Variants in ARSG observed in about 807,000 individuals in gnomAD.
ARSG encodes ASG.
A neutral mutation model predicts 50.5 loss-of-function variants in ARSG; 37 were observed. That is an observed-to-expected ratio of 0.73 (90% CI 0.56 to 0.96). ARSG has a LOEUF of 0.96. ARSG is among the 50% of genes least tolerant of loss of function. ARSG has a pLI of 0.00. For missense variants in ARSG, 629 were observed against 675.3 expected, an observed-to-expected ratio of 0.93 and a Z score of 0.76; for synonymous variants, 225 against 254.6, an observed-to-expected ratio of 0.88 and a Z score of 1.11.
chr17:68,265,008 G>T (rs781980785), intron 1 of ARSG, among the ~76,000 whole-genome samples: 1 of 151,228 alleles, frequency 6.6e-6, no homozygotes, highest in Admixed American at 6.6e-5. Flanking sequence ...ACAAAAATTA[G>T]CTGGGCGTGG....
chr17:68,352,387 C>A (rs2078840357), intron 5 of ARSG, among the ~76,000 whole-genome samples: 1 of 151,244 alleles, frequency 6.6e-6, no homozygotes, highest in South Asian at 2.1e-4. Context: ...ACGGTAAGAT[C>A]CTAATGAGCT....
intron 1 of ARSG, among the ~76,000 whole-genome samples, chr17:68,295,671 ATTTTTTTT>A (rs56840354): frequency 4.2e-4 from 48 of 114,542 alleles, no homozygotes; most frequent in South Asian, 3.6e-3. Context: ...TCTAAGACAA[ATTTTTTTT>A]TTTTTTTTTT....
At chr17:68,424,100 T>C (rs891488322), downstream of ARSG, among the ~76,000 whole-genome samples, 4 of 152,130 alleles carry the variant, frequency 2.6e-5, no homozygotes, top group Admixed American at 1.3e-4. Context: ...TTAAGGCCAG[T>C]TGGGGCCATG....
In ARSG at chr17:68,399,618, A is replaced by G. The variant is rs1483978906; in HGVS notation, c.1213-1742A>G. Among the ~76,000 whole-genome samples the G allele has an allele frequency of 2.0e-5, 3 of 152,194 alleles. No homozygotes were observed. Among genetic ancestry groups the G allele is most frequent in the Non-Finnish European group, 4.4e-5 (3 of 68,024 alleles). On this transcript the variant is annotated intron_variant, in intron 10 of 11. Transcript: ENST00000621439. The surrounding 1 kb of genome is among the most constrained non-coding windows in gnomAD (Gnocchi z 4.6). ...TGCATAGACAAGTTCTCCAAAGTCC[A>G]TCTATGTTTCTGAGAATGAGCCATC... is the stretch of plus-strand genomic sequence containing the variant.
Position 68,381,195 on chromosome 17 carries a change from A to G in ARSG, c.983-3869A>G, listed in dbSNP as rs2080414671. On this transcript the variant is annotated intron_variant, in intron 8 of 11. Coordinates refer to ENST00000621439, the MANE Select transcript of ARSG (RefSeq NM_001267727.2). This position sits in a 1 kb window ranked among gnomAD's most constrained non-coding sequence, Gnocchi z 4.1. ...AAGACCACTGTTCCTCCGCGTGGGC[A>G]GTGGTGAGTCTTCCCCGGCCTGCCC... Among the ~76,000 whole-genome samples the G allele has an allele frequency of 1.3e-5, 2 of 152,180 alleles. No individual in the cohort carries two copies. The highest frequency in any genetic ancestry group is 2.9e-5 in the Non-Finnish European group (2 of 68,032).
Position 68,324,178 on chromosome 17 carries a change from G to T in ARSG, c.218+16467G>T, listed in dbSNP as rs367846831. Among the ~76,000 whole-genome samples, 9 of 151,166 alleles carry T rather than the reference G, an allele frequency of 6.0e-5. 1 individual carries two copies. The highest frequency in any genetic ancestry group is 1.3e-4 in the Admixed American group (2 of 15,186). On this transcript the variant is annotated intron_variant, in intron 2 of 11. Coordinates refer to ENST00000621439, the MANE Select transcript of ARSG (RefSeq NM_001267727.2). The stretch of plus-strand genomic sequence containing the variant: ...CCATTTGAATTCTCTTAGCATTAAC[G>T]AAGTCCACACTCACTAAGGCAAACT...
intron 9 of ARSG, among the ~76,000 whole-genome samples, chr17:68,393,963 TG>T (rs1178626437): frequency 1.3e-5 from 2 of 152,156 alleles, no homozygotes; most frequent in African/African-American, 4.8e-5. Flanking sequence ...TTTTTCTTTT[TG>T]TTTTTTTTGG....
At chr17:68,437,040 A>T in the ARSG span, among the ~76,000 whole-genome samples, 1 of 149,160 alleles carries the variant, frequency 6.7e-6, no homozygotes, top group East Asian at 2.0e-4. Flanking sequence ...GTGTGTGTAT[A>T]TATTGCTCAT....
At chr17:68,304,373 T>C (rs1485866745) in intron 1 of ARSG, among the ~76,000 whole-genome samples, 1 of 152,242 alleles carries the variant, frequency 6.6e-6, no homozygotes, top group Non-Finnish European at 1.5e-5. Flanking sequence ...ATACATCTCC[T>C]TTTGGGAAAC....
chr17:68,266,378 T>TGTATATATATACTTTTTTTGTATAAAAA (rs2075159895), intron 1 of ARSG, among the ~76,000 whole-genome samples: 5 of 108,090 alleles, frequency 4.6e-5, no homozygotes, highest in African/African-American at 1.9e-4. Flanking sequence ...AGTATATATA[T>TGTATATATATACTTTTTTTGTATAAAAA]GTATATATAT....
At chr17:68,264,852 G>C (rs1457897958) in intron 1 of ARSG, among the ~76,000 whole-genome samples, 1 of 151,408 alleles carries the variant, frequency 6.6e-6, no homozygotes, top group Non-Finnish European at 1.5e-5. Flanking sequence ...TTAATCAGGG[G>C]AAATGAAAAC....
chr17:68,318,735 T>A (rs1415416772), intron 2 of ARSG, among the ~76,000 whole-genome samples: 1 of 152,222 alleles, frequency 6.6e-6, no homozygotes, highest in African/African-American at 2.4e-5. Flanking sequence ...ACCCCTGGTT[T>A]AATTTTGAGT....
At chr17:68,400,302 T>G (rs2081417211) in intron 10 of ARSG, 1 of 152,262 alleles carries the variant, frequency 6.6e-6, no homozygotes, top group Non-Finnish European at 1.5e-5. Flanking sequence ...TTTAGGTGTT[T>G]CCATTCTGTA....
the ARSG span, among the ~76,000 whole-genome samples, chr17:68,441,862 A>G: frequency 2.0e-5 from 3 of 152,214 alleles, no homozygotes; most frequent in Admixed American, 2.0e-4. Flanking sequence ...TATATCTCCA[A>G]AGAACATCAG....
chr17:68,311,019 G>A (rs950778881), intron 2 of ARSG, among the ~76,000 whole-genome samples: 5 of 152,178 alleles, frequency 3.3e-5, no homozygotes, highest in South Asian at 2.1e-4. Flanking sequence ...CCAACATGGC[G>A]AAATCCCATC....
At chr17:68,287,990 C>CTTTTTTT (rs542264053), upstream of ARSG, among the ~76,000 whole-genome samples, 1 of 126,096 alleles carries the variant, frequency 7.9e-6, no homozygotes. Flanking sequence ...TCCCTCCTTT[C>CTTTTTTT]TTTTTTTTTT....
upstream of ARSG, among the ~76,000 whole-genome samples, chr17:68,289,944 T>C (rs2075931585): frequency 1.3e-5 from 2 of 152,222 alleles, no homozygotes; most frequent in African/African-American, 4.8e-5. Flanking sequence ...GTTTCTATTA[T>C]ATCATCTGGC....
At chr17:68,324,264 A>G (rs1489459013) in intron 2 of ARSG, among the ~76,000 whole-genome samples, 1 of 152,050 alleles carries the variant, frequency 6.6e-6, no homozygotes, top group African/African-American at 2.4e-5. Context: ...CCACGCTGAC[A>G]TTCTGGTTCC....
chr17:68,445,757 G>A, the ARSG span, among the ~76,000 whole-genome samples: 1 of 152,220 alleles, frequency 6.6e-6, no homozygotes, highest in Non-Finnish European at 1.5e-5. Flanking sequence ...TGCTGGTGAG[G>A]AGGTGTCAGG....
Sources: gnomAD v4.1 joint callset for allele counts (sites outside exome capture counted in the v4.1 genomes callset) on GRCh38, gnomAD v4.1.1 for gene constraint, Gnocchi (gnomAD v3.1) non-coding constraint, MANE v1.5 for transcripts, NCBI Gene and HGNC (gene_info 2026-07-23, HGNC 2026-07-21) for gene names.